The following DOC2B variants were observed in gnomAD, a reference collection of about 807,000 sequenced individuals.
The protein encoded by DOC2B is double C2 domain beta.
Under a neutral mutation model 28.9 loss-of-function variants are expected in DOC2B, and 21 were observed. The observed-to-expected ratio is 0.73, with a 90% CI of 0.52 to 1.05. The LOEUF (loss-of-function observed/expected upper bound fraction) is 1.05, where lower values mean the gene tolerates loss of function less well. DOC2B is among the 50% of genes least tolerant of loss of function. The pLI, the probability that DOC2B is intolerant of heterozygous loss-of-function variation, is 0.00. For missense variants in DOC2B, 384 were observed against 421.1 expected (o/e 0.91, Z 0.77); for synonymous variants, 194 against 178.1 (o/e 1.09, Z -0.71).
chr17:156,144 A>T, intron 6 of DOC2B, 76 bp downstream of exon 6: 1 of 1,454,936 alleles, frequency 6.9e-7, no homozygotes, highest in Non-Finnish European at 9.1e-7. Flanking sequence ...GCCACCTGGG[A>T]CCACGGAGCC....
intron 4 of DOC2B, 146 bp from the exon 5 acceptor site, chr17:161,687 C>T: frequency 7.3e-7 from 1 of 1,377,106 alleles, no homozygotes; most frequent in South Asian, 1.4e-5. Flanking sequence ...ATGCCTGGGC[C>T]CTGACAGGGG....
At position 162,065 on chromosome 17, in the gene DOC2B, T is replaced by A. The variant is rs773569148; in HGVS notation, c.638+16A>T. On this transcript the variant is annotated intron_variant, in intron 4 of 8. Transcript: ENST00000613549. ...GGGGTTGGGGAGGGAGCAGGCGGCC[T>A]GGGACCCTCACCCACCGCAGGGTCT... 1.1e-5 allele frequency: 17 copies of A among 1,530,002 alleles called. No individual in the cohort carries two copies. The East Asian group carries it at 3.7e-4, about 33-fold the overall frequency. The allele number at this position is 1,530,002 out of a possible 1,614,324, so 94.8% of individuals were successfully genotyped here.
chr17:162,243 C>T, intron 3 of DOC2B, 53 bp from the exon 4 acceptor site: 1 of 1,361,730 alleles, frequency 7.3e-7, no homozygotes, highest in Non-Finnish European at 1.0e-6. Context: ...TCAAACAGAA[C>T]AATGGCCCCC....
At chr17:151,114 A>G (rs551040666) in intron 6 of DOC2B, among the ~76,000 whole-genome samples, 1 of 152,230 alleles carries the variant, frequency 6.6e-6, no homozygotes, top group Admixed American at 6.5e-5. Flanking sequence ...CTACCAAAAA[A>G]TTAAAAATTA....
At position 147,207 on chromosome 17, in the gene DOC2B, C is replaced by T. The variant is rs2040025634; in HGVS notation, c.*234G>A. On this transcript the variant is annotated 3_prime_UTR_variant, in exon 9 of 9. Coordinates refer to ENST00000613549, the MANE Select transcript of DOC2B (RefSeq NM_003585.5). The stretch of plus-strand genomic sequence containing the variant: ...TGCTGAGGTCTCTTTCCACCACCGG[C>T]CTCTTGGGCCCCAGAGAGCTGAGAG... The T allele has an allele frequency of 1.0e-5, 4 of 386,060 alleles. No homozygotes were observed. The highest frequency in any genetic ancestry group is 9.0e-5 in the Admixed American group (2 of 22,280). The allele number at this position is 386,060 out of a possible 1,614,324, so 23.9% of individuals were successfully genotyped here. A position where few individuals can be genotyped will look rare whatever the true frequency, so the allele number is the denominator to read the frequency against.
intron 2 of DOC2B, among the ~76,000 whole-genome samples, chr17:171,980 C>T (rs2040316946): frequency 6.6e-6 from 1 of 150,408 alleles, no homozygotes; most frequent in Non-Finnish European, 1.5e-5. Flanking sequence ...GGCCAGGCTG[C>T]AGAGGGGAGC....
At chr17:151,746 G>A (rs1206185963) in intron 6 of DOC2B, among the ~76,000 whole-genome samples, 1 of 152,166 alleles carries the variant, frequency 6.6e-6, no homozygotes, top group Non-Finnish European at 1.5e-5. Context: ...GCCTTCACAA[G>A]CCCCTGGAAG....
intron 1 of DOC2B, among the ~76,000 whole-genome samples, chr17:178,907 G>T (rs1278668600): frequency 6.6e-6 from 1 of 152,228 alleles, no homozygotes. Context: ...TCACAGCCCA[G>T]AGGGGGGCAC....
At chr17:149,939 T>C (rs1487284511) in intron 6 of DOC2B, among the ~76,000 whole-genome samples, 4 of 152,320 alleles carry the variant, frequency 2.6e-5, no homozygotes, top group Admixed American at 6.5e-5. Context: ...ACTACCTCCA[T>C]TGGAGCTTTG....
intron 1 of DOC2B, among the ~76,000 whole-genome samples, chr17:177,059 T>C (rs1165586764): frequency 8.4e-6 from 1 of 118,886 alleles, no homozygotes; most frequent in Non-Finnish European, 1.7e-5. Flanking sequence ...AAGAAAAATG[T>C]CAGGCTCTCA....
At chr17:178,494 G>A (rs892050294) in intron 1 of DOC2B, among the ~76,000 whole-genome samples, 16 of 152,246 alleles carry the variant, frequency 1.1e-4, no homozygotes, top group South Asian at 8.3e-4. Context: ...TAGGGGCAGC[G>A]TGTGGGGTGT....
chr17:163,333 T>C (rs1472954894), intron 3 of DOC2B, among the ~76,000 whole-genome samples: 1 of 152,126 alleles, frequency 6.6e-6, no homozygotes, highest in Non-Finnish European at 1.5e-5. Context: ...GGCACTGCCA[T>C]TTCTCCTACA....
In DOC2B at chr17:173,044, G is replaced by T. The variant is rs576922414; in HGVS notation, c.374-428C>A. On this transcript the variant is annotated intron_variant, in intron 1 of 8. Transcript: ENST00000613549. The stretch of plus-strand genomic sequence containing the variant: ...GAGGCTTTGAGAGGAACAGGTCCTG[G>T]CCAGGAAGATCAGCTGATTTGCTCA... Among the ~76,000 whole-genome samples the T allele has an allele frequency of 4.6e-5, 7 of 152,296 alleles. No homozygotes were observed. In the East Asian group the frequency reaches 1.4e-3, roughly 29 times the overall value.
rs2151456708 is a variant in DOC2B at position 147,267 on chromosome 17, G to A, written c.*174C>T. Reference sequence around the variant, plus strand: ...CCAGCTCCTTGCCCTCCCCGTCCCAGAGTGGCTGAGCCCTCCACATCCTCC... The same window carrying A: ...CCAGCTCCTTGCCCTCCCCGTCCCAAAGTGGCTGAGCCCTCCACATCCTCC... On this transcript the variant is annotated 3_prime_UTR_variant, in exon 9 of 9. Transcript: ENST00000613549. The A allele has an allele frequency of 5.1e-6, 2 of 395,464 alleles. No homozygotes were observed. The highest frequency in any genetic ancestry group is 2.9e-4 in the South Asian group (2 of 6,990). The allele number at this position is 395,464 out of a possible 1,614,324, so 24.5% of individuals were successfully genotyped here.
At chr17:173,234 T>G (rs991449755) in intron 1 of DOC2B, among the ~76,000 whole-genome samples, 1 of 152,042 alleles carries the variant, frequency 6.6e-6, no homozygotes, top group Non-Finnish European at 1.5e-5. Context: ...GCAGCCATAA[T>G]TGGGGGAGGT....
chr17:145,058 C>G lies in DOC2B; in HGVS notation c.*2383G>C, dbSNP rs937621278. 1 of 152,188 alleles carries G rather than the reference C, an allele frequency of 6.6e-6. No individual in the cohort carries two copies. The highest frequency in any genetic ancestry group is 2.4e-5 in the African/African-American group (1 of 41,410). The allele number at this position is 152,188 out of a possible 1,614,324, so 9.4% of individuals were successfully genotyped here. A position where few individuals can be genotyped will look rare whatever the true frequency, so the allele number is the denominator to read the frequency against. On this transcript the variant is annotated 3_prime_UTR_variant, in exon 9 of 9. Transcript: ENST00000613549. Reference sequence around the variant, plus strand: ...CTTAGGCCCCCAGAGGGTGCCCATTCTGTGTGGAGAAAAGAGGAGCCCTTG... The same window carrying G: ...CTTAGGCCCCCAGAGGGTGCCCATTGTGTGTGGAGAAAAGAGGAGCCCTTG...
rs2040025674 is a variant in DOC2B at position 147,210 on chromosome 17, C to A, written c.*231G>T. On this transcript the variant is annotated 3_prime_UTR_variant, in exon 9 of 9. Transcript: ENST00000613549. ...TGAGGTCTCTTTCCACCACCGGCCTCTTGGGCCCCAGAGAGCTGAGAGCCC... is the reference window on the plus strand; with the variant it reads ...TGAGGTCTCTTTCCACCACCGGCCTATTGGGCCCCAGAGAGCTGAGAGCCC... The A allele has an allele frequency of 2.6e-6, 1 of 387,630 alleles. No individual in the cohort carries two copies. Among genetic ancestry groups the A allele is most frequent in the South Asian group, 1.4e-4 (1 of 6,942 alleles). The allele number at this position is 387,630 out of a possible 1,614,324, so 24.0% of individuals were successfully genotyped here. A position where few individuals can be genotyped will look rare whatever the true frequency, so the allele number is the denominator to read the frequency against.
At position 144,218 on chromosome 17, in the gene DOC2B, G is replaced by A. The variant is rs909253147; in HGVS notation, c.*3223C>T. Reference sequence around the variant, plus strand: ...GACCCGAGTAAAGATGCCCATTCGGGGTCAAAGGCAGAGCCGCTTCTGCAG... The same window carrying A: ...GACCCGAGTAAAGATGCCCATTCGGAGTCAAAGGCAGAGCCGCTTCTGCAG... On this transcript the variant is annotated 3_prime_UTR_variant, in exon 9 of 9. Coordinates refer to ENST00000613549, the MANE Select transcript of DOC2B (RefSeq NM_003585.5). The A allele has an allele frequency of 1.3e-5, 2 of 152,356 alleles. No homozygotes were observed. The highest frequency in any genetic ancestry group is 6.6e-5 in the Admixed American group (1 of 15,260). The allele number at this position is 152,356 out of a possible 1,614,324, so 9.4% of individuals were successfully genotyped here. A position where few individuals can be genotyped will look rare whatever the true frequency, so the allele number is the denominator to read the frequency against.
At chr17:179,735 G>C (rs2040414324) in intron 1 of DOC2B, among the ~76,000 whole-genome samples, 1 of 152,078 alleles carries the variant, frequency 6.6e-6, no homozygotes, top group Non-Finnish European at 1.5e-5. Context: ...ATCTCCCCAA[G>C]CTGGCAGGAA....
Sources: allele counts gnomAD v4.1 joint callset (sites outside exome capture counted in the v4.1 genomes callset), GRCh38; gene constraint gnomAD v4.1.1; transcripts MANE v1.5; gene names NCBI Gene and HGNC (gene_info 2026-07-23, HGNC 2026-07-21).